The following KLHL29 variants were observed in gnomAD, a reference collection of about 807,000 sequenced individuals.
KLHL29 encodes kelch-like protein 29.
Under a neutral mutation model 80.4 loss-of-function variants are expected in KLHL29, and 21 were observed. That is an observed-to-expected ratio of 0.26 (90% CI 0.19 to 0.38). The LOEUF (loss-of-function observed/expected upper bound fraction) is 0.38, where lower values mean the gene tolerates loss of function less well. Among genes scored for constraint, KLHL29 ranks in the 10% least tolerant of loss-of-function variants. The pLI is 1.00. For synonymous variants in KLHL29, 511 were observed against 526.8 expected, an observed-to-expected ratio of 0.97 and a Z score of 0.41; for missense variants, 867 against 1,223.9, an observed-to-expected ratio of 0.71 and a Z score of 4.35.
intron 3 of KLHL29, among the ~76,000 whole-genome samples, chr2:23,570,706 GCT>G (rs1667696901): frequency 6.6e-6 from 1 of 152,336 alleles, no homozygotes; most frequent in African/African-American, 2.4e-5. Context: ...ACCCACCTGG[GCT>G]CCCCTTGTCT....
At chr2:23,477,021 G>A (rs542192100) in intron 2 of KLHL29, among the ~76,000 whole-genome samples, 1 of 152,394 alleles carries the variant, frequency 6.6e-6, no homozygotes, top group Non-Finnish European at 1.5e-5. Flanking sequence ...GGGCAGAGGA[G>A]TGGGCTCTCG....
In KLHL29 at chr2:23,458,031, AAAAAT is replaced by A. The variant is rs1225262135; in HGVS notation, c.-153-17524_-153-17520del. ...CTGTCTCAAAAAATAAAAATTAAAA[AAAAAT>A]AAAACGTAAGGATGCCTGCTCCTGG... On this transcript the variant is annotated intron_variant, in intron 1 of 13. Coordinates refer to ENST00000486442, the MANE Select transcript of KLHL29 (RefSeq NM_052920.2). Among the ~76,000 whole-genome samples the A allele has an allele frequency of 2.0e-5, 3 of 152,182 alleles. No homozygotes were observed. In the East Asian group the frequency reaches 5.8e-4, roughly 29 times the overall value.
intron 2 of KLHL29, among the ~76,000 whole-genome samples, chr2:23,479,609 C>A (rs567921343): frequency 6.6e-6 from 1 of 152,286 alleles, no homozygotes; most frequent in African/African-American, 2.4e-5. Context: ...CACCTCTGTC[C>A]TAAGGTCCGG....
intron 1 of KLHL29, among the ~76,000 whole-genome samples, chr2:23,467,756 G>A (rs986328011): frequency 3.3e-5 from 5 of 152,170 alleles, no homozygotes; most frequent in Non-Finnish European, 7.4e-5. Flanking sequence ...GGCGGGATGG[G>A]AACAGGGGCT....
intron 2 of KLHL29, among the ~76,000 whole-genome samples, chr2:23,477,733 C>A (rs10178369): frequency 0.34 from 52,296 of 152,176 alleles, 10,341 homozygotes; most frequent in African/African-American, 0.56. Flanking sequence ...CAAGACAGCG[C>A]AGCGTCAGTT....
chr2:23,684,570 T>C lies in KLHL29; in HGVS notation c.1079+33T>C. 1 of 1,518,302 alleles carries C rather than the reference T, an allele frequency of 6.6e-7. No individual in the cohort carries two copies. Among genetic ancestry groups the C allele is most frequent in the South Asian group, 1.3e-5 (1 of 78,430 alleles). 94.1% of individuals were successfully genotyped at this position (1,518,302 alleles called of 1,614,324 possible). ...TTCCTTCCAGCTGTGGTCGGGTCTG[T>C]TCCTTTGTAGGACGCTTTTGTGTCG... On this transcript the variant is annotated intron_variant, in intron 6 of 13. Transcript: ENST00000486442. This position sits in a 1 kb window ranked among gnomAD's most constrained non-coding sequence, Gnocchi z 4.4.
chr2:23,449,133 C>T (rs1030678892), intron 1 of KLHL29, among the ~76,000 whole-genome samples: 21 of 152,112 alleles, frequency 1.4e-4, no homozygotes, highest in Non-Finnish European at 2.8e-4. Context: ...ACAGGAATCC[C>T]GTGAGCTCAT....
chr2:23,590,490 G>A (rs1284096137), intron 3 of KLHL29, among the ~76,000 whole-genome samples: 1 of 152,166 alleles, frequency 6.6e-6, no homozygotes, highest in Non-Finnish European at 1.5e-5. Context: ...TGACGTGGAA[G>A]ACCTGAACAC....
At chr2:23,478,245 G>C (rs937251482) in intron 2 of KLHL29, among the ~76,000 whole-genome samples, 3 of 152,146 alleles carry the variant, frequency 2.0e-5, no homozygotes, top group African/African-American at 7.2e-5. Flanking sequence ...CGTGCAGCTG[G>C]GACTGTGCCT....
At chr2:23,592,536 A>T (rs1482429850) in intron 3 of KLHL29, among the ~76,000 whole-genome samples, 1 of 152,218 alleles carries the variant, frequency 6.6e-6, no homozygotes, top group East Asian at 1.9e-4. Flanking sequence ...CCTCTCCAGG[A>T]GCACAGAGAT....
chr2:23,470,184 G>A (rs149590975), intron 1 of KLHL29, among the ~76,000 whole-genome samples: 7 of 152,248 alleles, frequency 4.6e-5, no homozygotes, highest in Admixed American at 4.6e-4. Flanking sequence ...AACCATCCAA[G>A]GCAACTAGGA....
At chr2:23,519,985 T>C (rs1666045044) in intron 2 of KLHL29, among the ~76,000 whole-genome samples, 1 of 152,198 alleles carries the variant, frequency 6.6e-6, no homozygotes, top group African/African-American at 2.4e-5. Context: ...TTGAATAGAA[T>C]GGGAGGCTGG....
intron 1 of KLHL29, among the ~76,000 whole-genome samples, chr2:23,452,140 TAGCTGGGACCACA>T (rs1663897314): frequency 1.3e-5 from 2 of 151,538 alleles, no homozygotes; most frequent in African/African-American, 4.9e-5. Flanking sequence ...GCCTCTTGAA[TAGCTGGGACCACA>T]AGCATGTCCC....
chr2:23,650,911 C>T (rs942152733), intron 5 of KLHL29, among the ~76,000 whole-genome samples: 4 of 150,388 alleles, frequency 2.7e-5, no homozygotes, highest in Non-Finnish European at 4.4e-5. Flanking sequence ...CGCTTGTCCC[C>T]ATGTGATGGA....
At chr2:23,425,099 T>G (rs1157199795) in intron 1 of KLHL29, among the ~76,000 whole-genome samples, 7 of 152,248 alleles carry the variant, frequency 4.6e-5, no homozygotes, top group Non-Finnish European at 1.0e-4. Flanking sequence ...TTATATATAA[T>G]GAACGTTATT....
intron 5 of KLHL29, chr2:23,668,526 A>G (rs1232397756): frequency 6.6e-6 from 1 of 152,382 alleles, no homozygotes; most frequent in East Asian, 1.9e-4. Context: ...CAGAACAGTC[A>G]TACCTCGGCC....
At chr2:23,519,549 T>C (rs894398362) in intron 2 of KLHL29, among the ~76,000 whole-genome samples, 5 of 152,118 alleles carry the variant, frequency 3.3e-5, no homozygotes, top group African/African-American at 1.2e-4. Context: ...GAGGGAGTGT[T>C]GGCATAAACC....
At chr2:23,465,958 G>A (rs1011421889) in intron 1 of KLHL29, among the ~76,000 whole-genome samples, 1 of 151,842 alleles carries the variant, frequency 6.6e-6, no homozygotes, top group African/African-American at 2.4e-5. Context: ...CCACCTTCCC[G>A]CTGACTTTCA....
chr2:23,574,964 G>GGCCCA (rs754188785), intron 3 of KLHL29, among the ~76,000 whole-genome samples: 26 of 152,270 alleles, frequency 1.7e-4, no homozygotes, highest in Admixed American at 6.5e-4. Context: ...GTGGGAGGGT[G>GGCCCA]GCCCAGCCCC....
Sources: allele counts gnomAD v4.1 joint callset (sites outside exome capture counted in the v4.1 genomes callset), GRCh38; gene constraint gnomAD v4.1.1; non-coding constraint Gnocchi (gnomAD v3.1); transcripts MANE v1.5; gene names NCBI Gene and HGNC (gene_info 2026-07-23, HGNC 2026-07-21).